CELF2: variants seen among roughly 807,000 people sequenced by gnomAD.
The protein encoded by CELF2 is CUGBP Elav-like family member 2.
Under a neutral mutation model 62.6 loss-of-function variants are expected in CELF2, and 8 were observed. That is an observed-to-expected ratio of 0.13 (90% CI 0.07 to 0.23). The LOEUF is 0.23. Ranked by LOEUF, CELF2 falls within the 10% of genes least tolerant of loss-of-function variation. The pLI is 1.00. For synonymous variants in CELF2, 258 were observed against 250.0 expected (o/e 1.03, Z -0.30); for missense variants, 333 against 671.0 (o/e 0.50, Z 5.56).
chr10:10,572,627 A>G, the CELF2 span, among the ~76,000 whole-genome samples: 3 of 151,828 alleles, frequency 2.0e-5, no homozygotes, highest in Non-Finnish European at 2.9e-5. Context: ...CTGTTCCTGC[A>G]TTAGTTTAAT....
intron 10 of CELF2, among the ~76,000 whole-genome samples, chr10:11,320,049 GA>G (rs1473535744): frequency 1.2e-4 from 19 of 152,054 alleles, no homozygotes; most frequent in African/African-American, 4.3e-4. Context: ...CTTTCATTGA[GA>G]TTTTCATTAA....
rs1215195528 is a variant in CELF2, at chr10:10,983,037, G to A, written c.89+63038G>A. Among the ~76,000 whole-genome samples the A allele has an allele frequency of 1.3e-5, 2 of 152,130 alleles. No individual in the cohort carries two copies. The highest frequency in any genetic ancestry group is 3.9e-4 in the East Asian group (2 of 5,176). On this transcript the variant is annotated intron_variant, in intron 2 of 13. Coordinates refer to the CELF2 transcript ENST00000636488. This position sits in a 1 kb window ranked among gnomAD's most constrained non-coding sequence, Gnocchi z 5.2. ...CCCCCAGAAATGTTGCCATATTAAT[G>A]GGATATTAGCCCTTTACTGACTTGG...
chr10:11,308,954 A>G (rs2094422850), intron 9 of CELF2, among the ~76,000 whole-genome samples: 1 of 152,270 alleles, frequency 6.6e-6, no homozygotes, highest in South Asian at 2.1e-4. Context: ...AATGCAAAAA[A>G]GAATTTCCAA....
chr10:11,142,862 C>G (rs1449134860), intron 1 of CELF2, among the ~76,000 whole-genome samples: 1 of 152,122 alleles, frequency 6.6e-6, no homozygotes, highest in East Asian at 1.9e-4. Context: ...CAAGGTCTGT[C>G]CTCCCTCCAC....
intron 9 of CELF2, among the ~76,000 whole-genome samples, chr10:11,307,614 CCTT>C (rs2094321570): frequency 1.3e-5 from 2 of 152,214 alleles, no homozygotes; most frequent in African/African-American, 4.8e-5. Flanking sequence ...AATTCAGTGC[CCTT>C]CTTCTTCCTC....
chr10:10,556,357 T>C, the CELF2 span, among the ~76,000 whole-genome samples: 10 of 152,110 alleles, frequency 6.6e-5, no homozygotes, highest in Admixed American at 4.6e-4. Flanking sequence ...ACAAAGGACA[T>C]GAACTCATCA....
intron 1 of CELF2, among the ~76,000 whole-genome samples, chr10:10,844,575 C>A (rs879921525): frequency 2.0e-5 from 3 of 152,040 alleles, no homozygotes; most frequent in Non-Finnish European, 4.4e-5. Context: ...TGTGGGGAAA[C>A]TAGCAAAGGG....
At chr10:11,141,650 C>T (rs942346278) in intron 1 of CELF2, among the ~76,000 whole-genome samples, 6 of 152,228 alleles carry the variant, frequency 3.9e-5, no homozygotes, top group Non-Finnish European at 7.3e-5. Flanking sequence ...AGGCCCTTCA[C>T]TGTTGACTTT....
chr10:10,785,852 C>T, the CELF2 span, among the ~76,000 whole-genome samples: 2 of 152,256 alleles, frequency 1.3e-5, no homozygotes, highest in South Asian at 2.1e-4. Context: ...GTATTTTACA[C>T]TTGAAAATTG....
rs183548222 is a variant in CELF2, at chr10:11,046,304, G to C, written c.74+28141G>C. Among the ~76,000 whole-genome samples the C allele has an allele frequency of 6.6e-6, 1 of 152,148 alleles. No individual in the cohort carries two copies. The highest frequency in any genetic ancestry group is 2.4e-5 in the African/African-American group (1 of 41,428). ...GAGTTCCCAGGTGATTGTGATGCCC[G>C]TGTCAATGTGCCGGTCAGAAAATCA... On this transcript the variant is annotated intron_variant, in intron 1 of 12. Coordinates refer to ENST00000633077, the MANE Select transcript of CELF2 (RefSeq NM_001326342.2). This position sits in a 1 kb window ranked among gnomAD's most constrained non-coding sequence, Gnocchi z 4.6.
At chr10:11,172,638 A>G (rs1047708073) in intron 2 of CELF2, among the ~76,000 whole-genome samples, 5 of 152,204 alleles carry the variant, frequency 3.3e-5, no homozygotes, top group African/African-American at 1.2e-4. Context: ...CCTGGCAGAT[A>G]ATACCTATCA....
chr10:11,104,466 G>A (rs2052778320), intron 1 of CELF2, among the ~76,000 whole-genome samples: 1 of 152,170 alleles, frequency 6.6e-6, no homozygotes, highest in South Asian at 2.1e-4. Context: ...CAAGGCAGGA[G>A]AATCACATGA....
the CELF2 span, among the ~76,000 whole-genome samples, chr10:10,565,533 A>ACGC: frequency 6.6e-6 from 1 of 152,212 alleles, no homozygotes; most frequent in Admixed American, 6.5e-5. Context: ...TGGATGAGCA[A>ACGC]CGCCGCTCCT....
chr10:10,737,677 GT>G, the CELF2 span, among the ~76,000 whole-genome samples: 1 of 151,828 alleles, frequency 6.6e-6, no homozygotes, highest in Admixed American at 6.6e-5. Context: ...TTCCTCTTCT[GT>G]TTCCAGCCCC....
chr10:11,325,068 C>G (rs761255520), intron 11 of CELF2, among the ~76,000 whole-genome samples: 1 of 152,172 alleles, frequency 6.6e-6, no homozygotes, highest in South Asian at 2.1e-4. Flanking sequence ...CTTAGGAGCA[C>G]GCACCTCTCC....
At chr10:10,740,185 A>G in the CELF2 span, among the ~76,000 whole-genome samples, 1 of 148,314 alleles carries the variant, frequency 6.7e-6, no homozygotes, top group Admixed American at 6.7e-5. Context: ...CCTGTCCAAA[A>G]AATCATTACC....
chr10:10,688,045 C>T, the CELF2 span, among the ~76,000 whole-genome samples: 68 of 152,346 alleles, frequency 4.5e-4, no homozygotes, highest in Non-Finnish European at 8.8e-4. Flanking sequence ...TTATGATATT[C>T]GCGAACAAGT....
At chr10:11,052,681 C>T (rs2064189813) in intron 1 of CELF2, among the ~76,000 whole-genome samples, 1 of 152,184 alleles carries the variant, frequency 6.6e-6, no homozygotes, top group South Asian at 2.1e-4. Context: ...TGACGGTAAC[C>T]TTGTATGATG....
At chr10:10,959,109 T>A (rs2049205568) in intron 2 of CELF2, among the ~76,000 whole-genome samples, 1 of 152,016 alleles carries the variant, frequency 6.6e-6, no homozygotes, top group Non-Finnish European at 1.5e-5. Flanking sequence ...TACAAAAAAA[T>A]TAGCCTAGCG....
Sources: allele counts gnomAD v4.1 joint callset (sites outside exome capture counted in the v4.1 genomes callset), GRCh38; gene constraint gnomAD v4.1.1; non-coding constraint Gnocchi (gnomAD v3.1); transcripts MANE v1.5; gene names NCBI Gene and HGNC (gene_info 2026-07-23, HGNC 2026-07-21).